XKR5: variants seen among roughly 807,000 people sequenced by gnomAD.
The protein encoded by XKR5 is XK-related protein 5.
In XKR5, 46 loss-of-function variants were observed where a neutral mutation model predicts 40.8. The ratio of observed to expected loss-of-function variants is 1.13; its 90% CI spans 0.89 to 1.44. The LOEUF is 1.44. Among genes scored for constraint, XKR5 ranks in the 40% most tolerant of loss-of-function variants. The probability of loss-of-function intolerance (pLI) is 0.00; values close to 1 mark genes in which losing one functional copy is unlikely to be tolerated. For missense variants in XKR5, 1,169 were observed against 844.7 expected, an observed-to-expected ratio of 1.38 and a Z score of -4.76; for synonymous variants, 466 against 356.1, an observed-to-expected ratio of 1.31 and a Z score of -3.48.
chr8:6,819,279 G>A (rs1219003339), intron 5 of XKR5, among the ~76,000 whole-genome samples: 1 of 152,214 alleles, frequency 6.6e-6, no homozygotes, highest in African/African-American at 2.4e-5. Context: ...TCGAGGGCTG[G>A]GGCTGCGTGG....
At chr8:6,826,145 GTGTA>G (rs777064694) in intron 2 of XKR5, among the ~76,000 whole-genome samples, 15 of 152,320 alleles carry the variant, frequency 9.8e-5, no homozygotes, top group Admixed American at 3.9e-4. Context: ...TTGTGTGTGT[GTGTA>G]TGTATCTGCA....
At chr8:6,831,832 A>ATG (rs1563364552) in intron 2 of XKR5, among the ~76,000 whole-genome samples, 4 of 152,030 alleles carry the variant, frequency 2.6e-5, no homozygotes, top group Admixed American at 6.6e-5. Context: ...TGGCTAACCC[A>ATG]GTGAAACCCT....
chr8:6,819,391 C>A (rs549046884), intron 5 of XKR5, among the ~76,000 whole-genome samples: 39 of 152,364 alleles, frequency 2.6e-4, no homozygotes, highest in African/African-American at 8.2e-4. Context: ...CTGTCCACTG[C>A]ACTGTGGCCT....
rs1044344711 is a variant in XKR5, at chr8:6,823,527, C to A, written c.631G>T (p.Val211Phe). The change falls in exon 4 of 7, where the codon GTT becomes TTT. Residue 211 changes from valine (V) to phenylalanine (F), a missense_variant. Coordinates refer to ENST00000618742, the MANE Select transcript of XKR5 (RefSeq NM_207411.5). ...YKAYHFWVFVVAGAHWLVMTF... is the reference protein window; with the variant it reads ...YKAYHFWVFVFAGAHWLVMTF... Reference sequence around the variant, plus strand: ...GATCATTAGCTCAGCTCACCTGCAACCACAAAAACCCAAAAGTGGTAGGCT... The same window carrying A: ...GATCATTAGCTCAGCTCACCTGCAAACACAAAAACCCAAAAGTGGTAGGCT... 3.2e-6 allele frequency: 5 copies of A among 1,584,964 alleles called. No homozygotes were observed. The highest frequency in any genetic ancestry group is 4.3e-6 in the Non-Finnish European group (5 of 1,165,334).
chr8:6,835,186 G>T (rs28668629), intron 1 of XKR5, among the ~76,000 whole-genome samples: 68,107 of 126,758 alleles, frequency 0.54, 15,993 homozygotes, highest in South Asian at 0.64. Context: ...CAGTCGGGAG[G>T]GGGGGGAACC....
intron 2 of XKR5, 92 bp downstream of exon 2, chr8:6,832,625 G>T: frequency 6.6e-7 from 1 of 1,516,682 alleles, no homozygotes; most frequent in Non-Finnish European, 9.0e-7. Context: ...GAACTTTTAT[G>T]AGCTTGAGGA....
chr8:6,814,544 C>T (rs569778293), intron 6 of XKR5, among the ~76,000 whole-genome samples: 5 of 152,142 alleles, frequency 3.3e-5, no homozygotes, highest in East Asian at 3.9e-4. Flanking sequence ...CCCTGCACCT[C>T]GACGTACTAC....
intron 5 of XKR5, among the ~76,000 whole-genome samples, chr8:6,821,090 G>A (rs1345910951): frequency 6.6e-6 from 1 of 152,230 alleles, no homozygotes; most frequent in East Asian, 1.9e-4. Flanking sequence ...GCATGAAAAA[G>A]TAGGTTCAGA....
intron 5 of XKR5, among the ~76,000 whole-genome samples, chr8:6,819,286 G>T (rs556731707): frequency 6.6e-6 from 1 of 152,182 alleles, no homozygotes; most frequent in Non-Finnish European, 1.5e-5. Context: ...CTGGGGCTGC[G>T]TGGGTCCCGG....
intron 5 of XKR5, among the ~76,000 whole-genome samples, chr8:6,819,024 A>G (rs1463837740): frequency 6.6e-6 from 1 of 152,252 alleles, no homozygotes; most frequent in Non-Finnish European, 1.5e-5. Context: ...CCTGGGCAAC[A>G]GGGCAAGCTC....
At chr8:6,835,045 C>T (rs566488190) in intron 1 of XKR5, among the ~76,000 whole-genome samples, 7 of 152,290 alleles carry the variant, frequency 4.6e-5, no homozygotes, top group African/African-American at 1.7e-4. Flanking sequence ...GCGCTCAGCA[C>T]ATCTTGGCAT....
In XKR5 at chr8:6,832,864, C is replaced by A. The variant is rs749344071; in HGVS notation, c.95G>T (p.Arg32Leu). ...AAGGGCCAGCCACCCCCACAGAAGCCGTCCTGTGGTGAAGTAGTAAGCCAC... is the reference window on the plus strand; with the variant it reads ...AAGGGCCAGCCACCCCCACAGAAGCAGTCCTGTGGTGAAGTAGTAAGCCAC... Reference protein sequence around the residue: ...YTVAYYFTTGRLLWGWLALAV... With the variant: ...YTVAYYFTTGLLLWGWLALAV... The change falls in exon 2 of 7, where the codon CGG (arginine) becomes CTG (leucine). Residue 32 changes from arginine to leucine, a missense_variant. By Grantham distance (102) the Arg-to-Leu change is moderately radical. Transcript: ENST00000618742. 3.1e-6 allele frequency: 5 copies of A among 1,607,856 alleles called. No homozygotes were observed. The highest frequency in any genetic ancestry group is 4.2e-6 in the Non-Finnish European group (5 of 1,177,748).
At position 6,815,751 on chromosome 8, in the gene XKR5, A is replaced by G. The variant is rs540836662; in HGVS notation, c.919+56T>C. 1.2e-4 allele frequency: 156 copies of G among 1,318,450 alleles called. 1 individual carries two copies. Among genetic ancestry groups the G allele is most frequent in the Non-Finnish European group, 1.6e-4 (149 of 945,930 alleles). The allele number at this position is 1,318,450 out of a possible 1,614,324, so 81.7% of individuals were successfully genotyped here. ...TTCCTACCCTTTGAGCCCATTGTAA[A>G]AAAAAAAAATACGTTGGGGAGGGGA... is the stretch of plus-strand genomic sequence containing the variant. On this transcript the variant is annotated intron_variant, in intron 6 of 6. Transcript: ENST00000618742.
rs1456181798 is a variant in XKR5, at chr8:6,809,486, A to C, written c.*1712T>G. 1.3e-5 allele frequency: 2 copies of C among 152,076 alleles called. No homozygotes were observed. Among genetic ancestry groups the C allele is most frequent in the African/African-American group, 2.4e-5 (1 of 41,402 alleles). 9.4% of individuals were successfully genotyped at this position (152,076 alleles called of 1,614,324 possible). ...GTATTTTTAGTAGTGATGGGGTCTC[A>C]CTACATTGCCCAGGCTGGTCTCGAA... On this transcript the variant is annotated 3_prime_UTR_variant, in exon 7 of 7. Coordinates refer to ENST00000618742, the MANE Select transcript of XKR5 (RefSeq NM_207411.5).
At chr8:6,835,159 G>C (rs1303242566) in intron 1 of XKR5, among the ~76,000 whole-genome samples, 3 of 149,546 alleles carry the variant, frequency 2.0e-5, no homozygotes, top group African/African-American at 7.3e-5. Flanking sequence ...GTGCATGGGC[G>C]GGAGGAAGTC....
At chr8:6,823,865 C>G (rs751598451) in intron 3 of XKR5, 135 bp from the exon 4 acceptor site, 2 of 728,004 alleles carry the variant, frequency 2.7e-6, no homozygotes, top group African/African-American at 1.8e-5. Flanking sequence ...GAGAGTATTA[C>G]TAACCCACCA....
At chr8:6,831,947 G>A (rs921661203) in intron 2 of XKR5, among the ~76,000 whole-genome samples, 2 of 150,924 alleles carry the variant, frequency 1.3e-5, no homozygotes, top group Non-Finnish European at 1.5e-5. Flanking sequence ...CCCAGGAGGC[G>A]GAGGTTGCAG....
At chr8:6,830,498 C>A (rs113929536) in intron 2 of XKR5, among the ~76,000 whole-genome samples, 1 of 152,180 alleles carries the variant, frequency 6.6e-6, no homozygotes, top group Non-Finnish European at 1.5e-5. Context: ...ATCTTGCGGC[C>A]TTTATGCTTG....
Position 6,811,152 on chromosome 8 carries a change from C to G in XKR5, c.*46G>C. 1.3e-6 allele frequency: 2 copies of G among 1,489,206 alleles called. No individual in the cohort carries two copies. Among genetic ancestry groups the G allele is most frequent in the Non-Finnish European group, 1.8e-6 (2 of 1,119,474 alleles). 92.2% of individuals were successfully genotyped at this position (1,489,206 alleles called of 1,614,324 possible). A position where few individuals can be genotyped will look rare whatever the true frequency, so the allele number is the denominator to read the frequency against. On this transcript the variant is annotated 3_prime_UTR_variant, in exon 7 of 7. Coordinates refer to ENST00000618742, the MANE Select transcript of XKR5 (RefSeq NM_207411.5). Reference sequence around the variant, plus strand: ...TTTCCTTTCTCACGGTACCAAATGGCCAGCTTGGTTTGTCAGCCTGTTGTC... The same window carrying G: ...TTTCCTTTCTCACGGTACCAAATGGGCAGCTTGGTTTGTCAGCCTGTTGTC...
Sources: allele counts gnomAD v4.1 joint callset (sites outside exome capture counted in the v4.1 genomes callset), GRCh38; gene constraint gnomAD v4.1.1; transcripts MANE v1.5; gene names NCBI Gene and HGNC (gene_info 2026-07-23, HGNC 2026-07-21).